The following MDGA2 variants were observed in gnomAD, a reference collection of about 807,000 sequenced individuals.
MDGA2 encodes the protein MAM domain containing glycosylphosphatidylinositol anchor 2.
In MDGA2, 40 loss-of-function variants were observed where a neutral mutation model predicts 117.8. That is an observed-to-expected ratio of 0.34 (90% CI 0.26 to 0.44). The LOEUF is 0.44. MDGA2 is among the 20% of genes least tolerant of loss of function. MDGA2 has a pLI of 1.00. For synonymous variants in MDGA2, 452 were observed against 439.0 expected (o/e 1.03, Z -0.37); for missense variants, 1,123 against 1,250.6 (o/e 0.90, Z 1.54).
intron 3 of MDGA2, among the ~76,000 whole-genome samples, chr14:47,198,648 A>G (rs1885378983): frequency 6.6e-6 from 1 of 152,182 alleles, no homozygotes; most frequent in South Asian, 2.1e-4. Context: ...CATTGCAATG[A>G]TGCTATGAAT....
chr14:47,519,711 T>A (rs1189655278), intron 1 of MDGA2, among the ~76,000 whole-genome samples: 1 of 152,176 alleles, frequency 6.6e-6, no homozygotes, highest in African/African-American at 2.4e-5. Flanking sequence ...AGTCATCTTT[T>A]CATTTGGAAA....
At chr14:47,060,067 CCAA>C (rs1453396662) in intron 7 of MDGA2, among the ~76,000 whole-genome samples, 3 of 151,976 alleles carry the variant, frequency 2.0e-5, no homozygotes, top group African/African-American at 7.2e-5. Flanking sequence ...AGCGCTAGCA[CCAA>C]CGTTTAAATA....
At chr14:47,111,527 T>C (rs775076032) in intron 5 of MDGA2, among the ~76,000 whole-genome samples, 1 of 152,288 alleles carries the variant, frequency 6.6e-6, no homozygotes, top group South Asian at 2.1e-4. Context: ...GAAAAGGATT[T>C]GTGAACCACA....
At chr14:47,639,107 C>T (rs1897375209) in intron 1 of MDGA2, among the ~76,000 whole-genome samples, 1 of 152,132 alleles carries the variant, frequency 6.6e-6, no homozygotes, top group Admixed American at 6.5e-5. Context: ...GAACCTCCTG[C>T]CATTTTTCTT....
chr14:47,129,004 T>C (rs1882049401), intron 5 of MDGA2, among the ~76,000 whole-genome samples: 1 of 152,132 alleles, frequency 6.6e-6, no homozygotes, highest in African/African-American at 2.4e-5. Flanking sequence ...CAACTATTTC[T>C]TATGATTATT....
Position 47,190,864 on chromosome 14 carries a change from C to G in MDGA2, c.595+27157G>C, listed in dbSNP as rs538527075. The stretch of plus-strand genomic sequence containing the variant: ...CATAGTGGAAAATCCAATATGGAGA[C>G]TTGTATGTGCACTGGATTTTCAATC... On this transcript the variant is annotated intron_variant, in intron 3 of 16. Coordinates refer to ENST00000399232, the MANE Select transcript of MDGA2 (RefSeq NM_001113498.3). 1.7e-4 allele frequency among the ~76,000 whole-genome samples: 26 copies of G among 152,152 alleles called. 1 individual carries two copies. Among genetic ancestry groups the G allele is most frequent in the African/African-American group, 6.0e-4 (25 of 41,526 alleles).
chr14:47,420,307 T>C (rs966977239), intron 1 of MDGA2, among the ~76,000 whole-genome samples: 1 of 152,132 alleles, frequency 6.6e-6, no homozygotes, highest in African/African-American at 2.4e-5. Flanking sequence ...AGATGAAGGA[T>C]AAAGAATTCA....
At chr14:47,605,128 T>C (rs1431353066) in intron 1 of MDGA2, among the ~76,000 whole-genome samples, 1 of 152,190 alleles carries the variant, frequency 6.6e-6, no homozygotes, top group African/African-American at 2.4e-5. Flanking sequence ...CTACCAATGC[T>C]ACAGACATTT....
intron 9 of MDGA2, among the ~76,000 whole-genome samples, chr14:46,956,139 C>T (rs941271881): frequency 2.0e-5 from 3 of 152,058 alleles, no homozygotes; most frequent in Admixed American, 6.6e-5. Context: ...TAGAAATTAC[C>T]ACTTAGAATT....
intron 14 of MDGA2, among the ~76,000 whole-genome samples, chr14:46,858,945 A>G (rs181625466): frequency 6.6e-6 from 1 of 152,278 alleles, no homozygotes; most frequent in African/African-American, 2.4e-5. Flanking sequence ...CTCCTGTTAT[A>G]GCAAAATGTT....
intron 1 of MDGA2, among the ~76,000 whole-genome samples, chr14:47,380,352 G>A (rs1891586848): frequency 6.6e-6 from 1 of 152,006 alleles, no homozygotes; most frequent in Non-Finnish European, 1.5e-5. Context: ...CTAGCAGAAG[G>A]CAAGAAATAA....
intron 9 of MDGA2, among the ~76,000 whole-genome samples, chr14:46,950,170 TGATAGCA>T (rs1885317593): frequency 5.9e-5 from 9 of 151,934 alleles, no homozygotes; most frequent in African/African-American, 2.2e-4. Context: ...TAGTAATAAG[TGATAGCA>T]TTAACTTCAT....
intron 1 of MDGA2, among the ~76,000 whole-genome samples, chr14:47,378,964 A>G (rs1419124038): frequency 1.3e-5 from 2 of 152,216 alleles, no homozygotes; most frequent in African/African-American, 4.8e-5. Context: ...GGGCAGCCAG[A>G]GAGAAAGGTC....
At chr14:47,132,418 C>T (rs995763587) in intron 4 of MDGA2, among the ~76,000 whole-genome samples, 6 of 151,974 alleles carry the variant, frequency 3.9e-5, no homozygotes, top group South Asian at 2.1e-4. Flanking sequence ...AAGAAGCATT[C>T]GTGAGTGTTT....
At chr14:47,053,652 T>A (rs8015934) in intron 7 of MDGA2, among the ~76,000 whole-genome samples, 1 of 91,782 alleles carries the variant, frequency 1.1e-5, no homozygotes, top group South Asian at 2.9e-4. Context: ...TATATATATA[T>A]ATACACACAC....
chr14:47,469,457 A>G (rs531399864), intron 1 of MDGA2, among the ~76,000 whole-genome samples: 1 of 152,298 alleles, frequency 6.6e-6, no homozygotes, highest in African/African-American at 2.4e-5. Flanking sequence ...TTCCAGCTTC[A>G]TCCATGTCCG....
At chr14:46,917,720 GAGTT>G (rs1883957173) in intron 10 of MDGA2, among the ~76,000 whole-genome samples, 1 of 152,124 alleles carries the variant, frequency 6.6e-6, no homozygotes. Context: ...GCGTATCAGG[GAGTT>G]ATACACCAGT....
intron 1 of MDGA2, among the ~76,000 whole-genome samples, chr14:47,310,427 G>C (rs1160003291): frequency 6.6e-6 from 1 of 152,010 alleles, no homozygotes; most frequent in Non-Finnish European, 1.5e-5. Context: ...GTTCTTCCCA[G>C]TAGATTTGAC....
rs376260992 is a variant in MDGA2, at chr14:47,137,436, T to A, written c.793-5590A>T. ...CCTCATGAATAGATGATTAATGTCC[T>A]GAGGGGGGCTGTGAGTTCTAACTCT... On this transcript the variant is annotated intron_variant, in intron 4 of 16. Coordinates refer to ENST00000399232, the MANE Select transcript of MDGA2 (RefSeq NM_001113498.3). Among the ~76,000 whole-genome samples the A allele has an allele frequency of 5.3e-5, 8 of 152,098 alleles. No homozygotes were observed. The East Asian group carries it at 5.8e-4, about 11-fold the overall frequency.
Sources: allele counts gnomAD v4.1 joint callset (sites outside exome capture counted in the v4.1 genomes callset), GRCh38; gene constraint gnomAD v4.1.1; transcripts MANE v1.5; gene names NCBI Gene and HGNC (gene_info 2026-07-23, HGNC 2026-07-21).